PLEKHG4B: variants seen among roughly 807,000 people sequenced by gnomAD.
PLEKHG4B encodes pleckstrin homology domain-containing family G member 4B.
Under a neutral mutation model 121.3 loss-of-function variants are expected in PLEKHG4B, and 111 were observed. The observed-to-expected ratio is 0.92, with a 90% confidence interval of 0.78 to 1.07. The LOEUF (loss-of-function observed/expected upper bound fraction) is 1.07, where lower values mean the gene tolerates loss of function less well. Among genes scored for constraint, PLEKHG4B ranks in the 50% least tolerant of loss-of-function variants. PLEKHG4B has a pLI of 0.00. For missense variants in PLEKHG4B, 1,831 were observed against 1,757.8 expected, an observed-to-expected ratio of 1.04 and a Z score of -0.74; for synonymous variants, 738 against 725.0, an observed-to-expected ratio of 1.02 and a Z score of -0.29.
chr5:163,404 T>C lies in PLEKHG4B; in HGVS notation c.3332T>C (p.Leu1111Pro), dbSNP rs748295382. The change falls in exon 13 of 20, where the codon CTG becomes CCG. Residue 1111 changes from leucine to proline, a missense_variant. Leu to Pro is a moderately conservative substitution (Grantham distance 98). Coordinates refer to ENST00000637938, the MANE Select transcript of PLEKHG4B (RefSeq NM_052909.5). ...PDHTSVFSKG[L>P]EVTSTVATEK... The stretch of plus-strand genomic sequence containing the variant: ...CATACTAGTGTCTTCAGCAAGGGCC[T>C]GGAGGTAACCAGCACTGTAGCCACA... 1 of 1,613,032 alleles carries C rather than the reference T, an allele frequency of 6.2e-7. No homozygotes were observed. Among genetic ancestry groups the C allele is most frequent in the Admixed American group, 1.7e-5 (1 of 60,036 alleles).
At chr5:125,031 G>A (rs1404475042) in intron 2 of PLEKHG4B, among the ~76,000 whole-genome samples, 1 of 152,110 alleles carries the variant, frequency 6.6e-6, no homozygotes, top group Non-Finnish European at 1.5e-5. Flanking sequence ...TACTTGGGAG[G>A]CTGAGGCACG....
Position 182,264 on chromosome 5 carries a change from C to T in PLEKHG4B, c.4825C>T (p.Gln1609Ter), listed in dbSNP as rs774355912. Residue 1609 changes from glutamine to a stop codon, truncating the protein, a stop_gained, in exon 20 of 20, where the codon CAG (glutamine) becomes TAG (stop). Transcript: ENST00000637938. LOFTEE classifies it high-confidence loss of function. ...AGAGCCAGAACTAGAGACGGGCACC[C>T]AGGCTGCAGTGTGTGAGGGGGCTCC... ...EPEPELETGT[Q>*]AAVCEGAPAV... The T allele has an allele frequency of 5.6e-6, 9 of 1,613,050 alleles. No individual in the cohort carries two copies. The highest frequency in any genetic ancestry group is 7.6e-6 in the Non-Finnish European group (9 of 1,179,996).
rs150018359 is a variant in PLEKHG4B, at chr5:162,475, C to T, written c.2650-247C>T. Among the ~76,000 whole-genome samples, 447 of 152,368 alleles carry T rather than the reference C, an allele frequency of 2.9e-3. 3 individuals carry two copies. In the East Asian group the frequency reaches 0.036, roughly 12 times the overall value. ...ATAACTGATCTACACAATGTCTTCA[C>T]GTGGTCCTAGGACATCCCCCACGGT... On this transcript the variant is annotated intron_variant, in intron 12 of 19. Coordinates refer to ENST00000637938, the MANE Select transcript of PLEKHG4B (RefSeq NM_052909.5).
intron 1 of PLEKHG4B, among the ~76,000 whole-genome samples, chr5:102,086 A>G (rs943413762): frequency 2.4e-5 from 3 of 125,922 alleles, no homozygotes; most frequent in African/African-American, 3.4e-5. Context: ...AAAGCCCTGG[A>G]AAAAGTCTAT....
chr5:154,456 C>A (rs1735702944), intron 7 of PLEKHG4B, among the ~76,000 whole-genome samples: 1 of 152,208 alleles, frequency 6.6e-6, no homozygotes, highest in Non-Finnish European at 1.5e-5. Context: ...GCCCCGCATG[C>A]ATCAGGTGCC....
In PLEKHG4B at chr5:159,552, A is replaced by G. The variant is rs566040528; in HGVS notation, c.2488-2231A>G. ...GTTTCTGCTCTTGCTTTTTAACTCC[A>G]TGGGCTTATTTTCTGAACAGTCCCC... On this transcript the variant is annotated intron_variant, in intron 11 of 19. Coordinates refer to ENST00000637938, the MANE Select transcript of PLEKHG4B (RefSeq NM_052909.5). The surrounding 1 kb of genome is among the most constrained non-coding windows in gnomAD (Gnocchi z 5.5). 7.9e-5 allele frequency among the ~76,000 whole-genome samples: 12 copies of G among 151,918 alleles called. No homozygotes were observed. Among genetic ancestry groups the G allele is most frequent in the Non-Finnish European group, 1.6e-4 (11 of 67,958 alleles).
At position 137,724 on chromosome 5, in the gene PLEKHG4B, A is replaced by G. The variant is rs571217679; in HGVS notation, c.244-1759A>G. 1.3e-5 allele frequency among the ~76,000 whole-genome samples: 2 copies of G among 152,320 alleles called. No individual in the cohort carries two copies. Among genetic ancestry groups the G allele is most frequent in the East Asian group, 3.9e-4 (2 of 5,186 alleles). On this transcript the variant is annotated intron_variant, in intron 2 of 19. Transcript: ENST00000637938. This position sits in a 1 kb window ranked among gnomAD's most constrained non-coding sequence, Gnocchi z 4.2. The stretch of plus-strand genomic sequence containing the variant: ...CGATTTTTTCAACAGTCACTTGTGC[A>G]TTTTACGTCAAATCACCACTTCACA...
In PLEKHG4B at chr5:139,546, G is replaced by A. The variant is rs1579276195; in HGVS notation, c.307G>A (p.Val103Met). The A allele has an allele frequency of 2.5e-6, 1 of 399,002 alleles. No individual in the cohort carries two copies. The highest frequency in any genetic ancestry group is 1.3e-4 in the South Asian group (1 of 7,860). 24.7% of individuals were successfully genotyped at this position (399,002 alleles called of 1,614,324 possible). ...GWPLCAHEKV[V>M]VQLASLHGVR... The stretch of plus-strand genomic sequence containing the variant: ...GCCGCTGTGCGCCCATGAGAAGGTG[G>A]TGGTGCAGCTGGCGTCCCTGCACGG... Residue 103 changes from valine (V) to methionine (M), a missense_variant, in exon 3 of 20, where the codon GTG (valine) becomes ATG (methionine). By Grantham distance (21) the Val-to-Met change is conservative (BLOSUM62 1). Coordinates refer to ENST00000637938, the MANE Select transcript of PLEKHG4B (RefSeq NM_052909.5). This position sits in a 1 kb window ranked among gnomAD's most constrained non-coding sequence, Gnocchi z 5.0.
At chr5:133,508 G>C (rs1163628739) in intron 2 of PLEKHG4B, among the ~76,000 whole-genome samples, 1 of 152,008 alleles carries the variant, frequency 6.6e-6, no homozygotes, top group Non-Finnish European at 1.5e-5. Context: ...AAGATATACA[G>C]ATGACCAACA....
rs1735132084 is a variant in PLEKHG4B at position 140,500 on chromosome 5, C to G, written c.1261C>G (p.Pro421Ala). 1 of 1,596,140 alleles carries G rather than the reference C, an allele frequency of 6.3e-7. No individual in the cohort carries two copies. Among genetic ancestry groups the G allele is most frequent in the Non-Finnish European group, 8.5e-7 (1 of 1,171,790 alleles). ...TPSLEKERHT[P>A]SRTGPGAAGR... Reference sequence around the variant, plus strand: ...AAGTCTAGAGAAGGAGAGGCACACACCCAGCCGGACAGGTCCAGGAGCTGC... The same window carrying G: ...AAGTCTAGAGAAGGAGAGGCACACAGCCAGCCGGACAGGTCCAGGAGCTGC... The change falls in exon 3 of 20, where the codon CCC becomes GCC. Residue 421 changes from proline (P) to alanine (A), a missense_variant. Coordinates refer to ENST00000637938, the MANE Select transcript of PLEKHG4B (RefSeq NM_052909.5).
rs973608176 is a variant in PLEKHG4B, at chr5:159,813, C to T, written c.2488-1970C>T. Among the ~76,000 whole-genome samples the T allele has an allele frequency of 2.0e-5, 3 of 152,158 alleles. No individual in the cohort carries two copies. Among genetic ancestry groups the T allele is most frequent in the Admixed American group, 2.0e-4 (3 of 15,288 alleles). On this transcript the variant is annotated intron_variant, in intron 11 of 19. Transcript: ENST00000637938. The surrounding 1 kb of genome is among the most constrained non-coding windows in gnomAD (Gnocchi z 5.5). Reference sequence around the variant, plus strand: ...CCTGGGCCCTGTGGAGCAGGGTGCCCAGCTCCTTCCCTCCGACACTCCCTC... The same window carrying T: ...CCTGGGCCCTGTGGAGCAGGGTGCCTAGCTCCTTCCCTCCGACACTCCCTC...
chr5:132,592 G>T (rs184126867), intron 2 of PLEKHG4B, among the ~76,000 whole-genome samples: 18 of 152,276 alleles, frequency 1.2e-4, no homozygotes, highest in African/African-American at 3.9e-4. Flanking sequence ...TGAGGATCCG[G>T]TTTTGTTCTT....
In PLEKHG4B at chr5:161,821, C is replaced by G; in HGVS notation, c.2526C>G (p.Asn842Lys). 1 of 1,613,850 alleles carries G rather than the reference C, an allele frequency of 6.2e-7. No homozygotes were observed. Among genetic ancestry groups the G allele is most frequent in the Non-Finnish European group, 8.5e-7 (1 of 1,180,032 alleles). ...CQKGLQLAKE[N>K]PQRTEEMVQD... ...AAGGACTACAGCTGGCGAAGGAGAA[C>G]CCGCAACGTACAGAGGAAATGGTCC... Residue 842 changes from asparagine (N) to lysine (K), a missense_variant, in exon 12 of 20, where the codon AAC (asparagine) becomes AAG (lysine). Asn to Lys is a moderately conservative substitution (Grantham distance 94, BLOSUM62 0). Coordinates refer to ENST00000637938, the MANE Select transcript of PLEKHG4B (RefSeq NM_052909.5).
intron 1 of PLEKHG4B, among the ~76,000 whole-genome samples, chr5:97,082 G>A (rs1462231807): frequency 2.6e-5 from 4 of 152,052 alleles, no homozygotes; most frequent in African/African-American, 9.7e-5. Context: ...TCAGGCTCCA[G>A]ATGATTTTCC....
chr5:162,306 C>T (rs560621567), intron 12 of PLEKHG4B, among the ~76,000 whole-genome samples: 73 of 152,024 alleles, frequency 4.8e-4, no homozygotes, highest in African/African-American at 1.3e-3. Flanking sequence ...AGCTCCCCCG[C>T]GCCGGGGACT....
Position 156,653 on chromosome 5 carries a change from C to T in PLEKHG4B, c.2349-120C>T, listed in dbSNP as rs1224748939. The T allele has an allele frequency of 1.5e-6, 2 of 1,312,438 alleles. No homozygotes were observed. Among genetic ancestry groups the T allele is most frequent in the Non-Finnish European group, 2.1e-6 (2 of 970,668 alleles). The allele number at this position is 1,312,438 out of a possible 1,614,324, so 81.3% of individuals were successfully genotyped here. On this transcript the variant is annotated intron_variant, in intron 10 of 19. Transcript: ENST00000637938. The surrounding 1 kb of genome is among the most constrained non-coding windows in gnomAD (Gnocchi z 4.4). ...CTCGGTTGTGGGCCTCCTCCTGGGG[C>T]TCCCGTTGCCTTGTGGCATGAGGGA...
At chr5:118,899 G>A (rs997201813) in intron 2 of PLEKHG4B, among the ~76,000 whole-genome samples, 11 of 151,424 alleles carry the variant, frequency 7.3e-5, no homozygotes, top group South Asian at 2.1e-4. Flanking sequence ...CACCCAGGCT[G>A]GAGTGCAGTG....
At position 163,152 on chromosome 5, in the gene PLEKHG4B, G is replaced by A. The variant is rs183072558; in HGVS notation, c.3080G>A (p.Arg1027His). The A allele has an allele frequency of 7.2e-5, 112 of 1,558,210 alleles. No individual in the cohort carries two copies. Among genetic ancestry groups the A allele is most frequent in the African/African-American group, 4.8e-4 (35 of 73,546 alleles). Reference sequence around the variant, plus strand: ...TGTGGACAGGACGGGGAGACCCTGCGCCCAGGGCTGTGTGCTCTGTGGGAC... The same window carrying A: ...TGTGGACAGGACGGGGAGACCCTGCACCCAGGGCTGTGTGCTCTGTGGGAC... The part of the protein sequence containing the change: ...LLCGQDGETL[R>H]PGLCALWDPL... Residue 1027 changes from arginine to histidine, a missense_variant, in exon 13 of 20, where the codon CGC becomes CAC. Coordinates refer to ENST00000637938, the MANE Select transcript of PLEKHG4B (RefSeq NM_052909.5).
In PLEKHG4B at chr5:157,253, G is replaced by A. The variant is rs747112260; in HGVS notation, c.2487+342G>A. ...CCATGTGCATGCGTACACAGTGACT[G>A]AGAAGCCGAGGTGAAACCGACACAG... On this transcript the variant is annotated intron_variant, in intron 11 of 19. Coordinates refer to ENST00000637938, the MANE Select transcript of PLEKHG4B (RefSeq NM_052909.5). The surrounding 1 kb of genome is among the most constrained non-coding windows in gnomAD (Gnocchi z 4.6). 18 of 343,708 alleles carry A rather than the reference G, an allele frequency of 5.2e-5. No individual in the cohort carries two copies. The Admixed American group carries it at 5.6e-4, about 11-fold the overall frequency. The allele number at this position is 343,708 out of a possible 1,614,324, so 21.3% of individuals were successfully genotyped here.
Sources: gnomAD v4.1 joint callset for allele counts (sites outside exome capture counted in the v4.1 genomes callset) on GRCh38, gnomAD v4.1.1 for gene constraint, Gnocchi (gnomAD v3.1) non-coding constraint, MANE v1.5 for transcripts, NCBI Gene and HGNC (gene_info 2026-07-23, HGNC 2026-07-21) for gene names.